HLF: variants seen among roughly 807,000 people sequenced by gnomAD.
The protein encoded by HLF is hepatic leukemia factor.
HLF carries 3 observed loss-of-function variants against 22.6 expected under a neutral mutation model. The ratio of observed to expected loss-of-function variants is 0.13; its 90% confidence interval spans 0.06 to 0.34. The LOEUF is 0.34. Ranked by LOEUF, HLF falls within the 10% of genes least tolerant of loss-of-function variation. The pLI is 1.00. For synonymous variants in HLF, 151 were observed against 151.8 expected, an observed-to-expected ratio of 0.99 and a Z score of 0.04; for missense variants, 299 against 389.2, an observed-to-expected ratio of 0.77 and a Z score of 1.95.
At chr17:55,305,987 G>GTA (rs1356399749) in intron 2 of HLF, among the ~76,000 whole-genome samples, 1 of 152,164 alleles carries the variant, frequency 6.6e-6, no homozygotes, top group African/African-American at 2.4e-5. Flanking sequence ...TGGAAAATGG[G>GTA]TATATGAACT....
intron 2 of HLF, among the ~76,000 whole-genome samples, chr17:55,270,753 C>T (rs1044406642): frequency 6.6e-6 from 1 of 151,342 alleles, no homozygotes; most frequent in African/African-American, 2.4e-5. Context: ...CTCCGCCTCC[C>T]GGGTTCACGC....
chr17:55,297,286 A>G (rs2081118809), intron 2 of HLF, among the ~76,000 whole-genome samples: 1 of 152,138 alleles, frequency 6.6e-6, no homozygotes, highest in Non-Finnish European at 1.5e-5. Flanking sequence ...TTCTTCTTAT[A>G]GGCTTTCAAG....
Position 55,291,006 on chromosome 17 carries a change from C to T in HLF, c.451+22920C>T, listed in dbSNP as rs543483450. On this transcript the variant is annotated intron_variant, in intron 2 of 3. Coordinates refer to ENST00000226067, the MANE Select transcript of HLF (RefSeq NM_002126.5). ...CCTAATCCAGAGCCAGGGCCTAACT[C>T]TCTTCAATTCTGTGAAGGCTGAGAG... Among the ~76,000 whole-genome samples the T allele has an allele frequency of 3.9e-5, 6 of 152,328 alleles. No homozygotes were observed. In the South Asian group the frequency reaches 1.2e-3, roughly 32 times the overall value.
At chr17:55,275,118 C>T (rs1271171121) in intron 2 of HLF, among the ~76,000 whole-genome samples, 2 of 152,120 alleles carry the variant, frequency 1.3e-5, no homozygotes, top group Non-Finnish European at 2.9e-5. Flanking sequence ...TTTTTTGAGA[C>T]AGGGTCATGC....
intron 3 of HLF, chr17:55,319,148 C>G (rs915139008): frequency 1.3e-5 from 2 of 151,960 alleles, no homozygotes; most frequent in Non-Finnish European, 2.9e-5. Flanking sequence ...GATGATAGTA[C>G]TAGTTTGTGG....
intron 3 of HLF, 75 bp downstream of exon 3, chr17:55,315,522 A>G (rs1344348661): frequency 2.7e-6 from 3 of 1,095,488 alleles, no homozygotes; most frequent in Non-Finnish European, 4.2e-6. Flanking sequence ...GGGTGACCCC[A>G]GGATGATCCC....
intron 2 of HLF, chr17:55,272,748 G>C (rs138442511): frequency 6.6e-6 from 1 of 152,398 alleles, no homozygotes; most frequent in Non-Finnish European, 1.5e-5. Flanking sequence ...TGGGTTTATG[G>C]AAGGTCAGAG....
intron 2 of HLF, among the ~76,000 whole-genome samples, chr17:55,314,898 C>T (rs1301711940): frequency 3.9e-5 from 6 of 152,194 alleles, no homozygotes; most frequent in East Asian, 1.9e-4. Context: ...GTGAAAATTA[C>T]GTAGTTCTGT....
intron 2 of HLF, among the ~76,000 whole-genome samples, chr17:55,289,945 C>T (rs2081043568): frequency 6.6e-6 from 1 of 152,130 alleles, no homozygotes. Context: ...CATTAGAATT[C>T]TGCGTTCCCT....
At chr17:55,311,351 A>G (rs1231256196) in intron 2 of HLF, among the ~76,000 whole-genome samples, 1 of 152,082 alleles carries the variant, frequency 6.6e-6, no homozygotes, top group African/African-American at 2.4e-5. Context: ...AATACAAAAA[A>G]AAATTAGCCG....
chr17:55,293,640 A>G (rs1480246747), intron 2 of HLF, among the ~76,000 whole-genome samples: 4 of 152,142 alleles, frequency 2.6e-5, no homozygotes, highest in Non-Finnish European at 5.9e-5. Context: ...CGTTTTACAG[A>G]TGAGAAAACT....
chr17:55,290,033 G>A (rs915228440), intron 2 of HLF, among the ~76,000 whole-genome samples: 1 of 152,168 alleles, frequency 6.6e-6, no homozygotes, highest in Non-Finnish European at 1.5e-5. Flanking sequence ...TGTGAAAGGA[G>A]TCTCTCTTGA....
At chr17:55,319,607 A>G (rs1905192849) in intron 3 of HLF, among the ~76,000 whole-genome samples, 1 of 152,196 alleles carries the variant, frequency 6.6e-6, no homozygotes, top group African/African-American at 2.4e-5. Context: ...TGACCACAGT[A>G]AAATATTACT....
intron 2 of HLF, among the ~76,000 whole-genome samples, chr17:55,292,387 C>G (rs1428176495): frequency 6.6e-6 from 1 of 152,182 alleles, no homozygotes; most frequent in African/African-American, 2.4e-5. Flanking sequence ...TAAGGCAAGA[C>G]CCATCATAAG....
intron 2 of HLF, among the ~76,000 whole-genome samples, chr17:55,286,159 A>T (rs1431741827): frequency 6.6e-6 from 1 of 152,190 alleles, no homozygotes; most frequent in East Asian, 1.9e-4. Context: ...GACCTTTCTA[A>T]TGTTGGTCCA....
At chr17:55,312,843 C>A (rs1469874990) in intron 2 of HLF, among the ~76,000 whole-genome samples, 2 of 152,230 alleles carry the variant, frequency 1.3e-5, no homozygotes, top group African/African-American at 4.8e-5. Flanking sequence ...AATTCTTATA[C>A]TAAAATTTTG....
chr17:55,280,916 G>A (rs989964858), intron 2 of HLF, among the ~76,000 whole-genome samples: 2 of 152,180 alleles, frequency 1.3e-5, no homozygotes, highest in African/African-American at 2.4e-5. Flanking sequence ...GTCTAAAAAC[G>A]GTTTTTACAC....
rs150439743 is a variant in HLF, at chr17:55,296,495, A to G, written c.452-18732A>G. Among the ~76,000 whole-genome samples the G allele has an allele frequency of 4.7e-4, 72 of 152,286 alleles. 1 individual carries two copies. The highest frequency in any genetic ancestry group is 1.8e-3 in the Admixed American group (27 of 15,300). Reference sequence around the variant, plus strand: ...GTGTGTATATATTGTGTGTATGGAAATATGGAAATATATGTATATGCATAC... The same window carrying G: ...GTGTGTATATATTGTGTGTATGGAAGTATGGAAATATATGTATATGCATAC... On this transcript the variant is annotated intron_variant, in intron 2 of 3. Transcript: ENST00000226067.
intron 2 of HLF, among the ~76,000 whole-genome samples, chr17:55,268,982 A>G (rs2080825099): frequency 6.6e-6 from 1 of 152,244 alleles, no homozygotes; most frequent in Non-Finnish European, 1.5e-5. Context: ...TCATGTGCAC[A>G]GGTAACCAGG....
Sources: allele counts gnomAD v4.1 joint callset (sites outside exome capture counted in the v4.1 genomes callset), GRCh38; gene constraint gnomAD v4.1.1; transcripts MANE v1.5; gene names NCBI Gene and HGNC (gene_info 2026-07-23, HGNC 2026-07-21).